SLC24A3: variants seen among roughly 807,000 people sequenced by gnomAD.
SLC24A3 encodes the protein sodium/potassium/calcium exchanger 3.
Under a neutral mutation model 75.8 loss-of-function variants are expected in SLC24A3, and 28 were observed. The ratio of observed to expected loss-of-function variants is 0.37; its 90% confidence interval spans 0.27 to 0.51. The LOEUF (loss-of-function observed/expected upper bound fraction) is 0.51, where lower values mean the gene tolerates loss of function less well. Among genes scored for constraint, SLC24A3 ranks in the 20% least tolerant of loss-of-function variants. The pLI is 0.94. For missense variants in SLC24A3, 663 were observed against 847.8 expected (o/e 0.78, Z 2.71); for synonymous variants, 372 against 334.1 (o/e 1.11, Z -1.24).
At chr20:19,572,286 C>G (rs2031064784) in intron 3 of SLC24A3, among the ~76,000 whole-genome samples, 1 of 152,086 alleles carries the variant, frequency 6.6e-6, no homozygotes, top group African/African-American at 2.4e-5. Context: ...TTTGAGGCTA[C>G]AGTGAGTTAT....
chr20:19,283,156 C>T (rs865857599), intron 2 of SLC24A3: 4 of 152,584 alleles, frequency 2.6e-5, no homozygotes, highest in Non-Finnish European at 2.9e-5. Context: ...CCAAAAGAAC[C>T]GGGCTTGGTT....
At chr20:19,577,121 C>A (rs1431461984) in intron 3 of SLC24A3, among the ~76,000 whole-genome samples, 1 of 151,564 alleles carries the variant, frequency 6.6e-6, no homozygotes, top group Non-Finnish European at 1.5e-5. Context: ...GTGGCGCGAT[C>A]TCGGCTCATG....
chr20:19,307,729 C>G (rs1312891655), intron 2 of SLC24A3, among the ~76,000 whole-genome samples: 2 of 152,078 alleles, frequency 1.3e-5, no homozygotes, highest in East Asian at 3.9e-4. Context: ...GGTAACAAAC[C>G]TGCATGTTCA....
intron 1 of SLC24A3, among the ~76,000 whole-genome samples, chr20:19,230,226 A>T (rs1346947243): frequency 6.6e-6 from 1 of 152,120 alleles, no homozygotes. Context: ...ACCTGGTCAC[A>T]ATTGTCAGGT....
At chr20:19,330,591 G>A (rs1984976169) in intron 2 of SLC24A3, among the ~76,000 whole-genome samples, 1 of 152,194 alleles carries the variant, frequency 6.6e-6, no homozygotes, top group Admixed American at 6.5e-5. Context: ...AGAAGCAAAT[G>A]TGGAAGGAGG....
chr20:19,418,696 A>G (rs1187846443), intron 2 of SLC24A3, among the ~76,000 whole-genome samples: 1 of 151,478 alleles, frequency 6.6e-6, no homozygotes, highest in Non-Finnish European at 1.5e-5. Flanking sequence ...ATAATATAAT[A>G]ATATAATAAA....
intron 1 of SLC24A3, among the ~76,000 whole-genome samples, chr20:19,218,166 C>T (rs956991814): frequency 6.6e-6 from 1 of 152,136 alleles, no homozygotes; most frequent in Admixed American, 6.5e-5. Flanking sequence ...ACTACAGTGC[C>T]TGTGATAAAA....
At chr20:19,417,790 G>A (rs536159258) in intron 2 of SLC24A3, among the ~76,000 whole-genome samples, 1 of 152,302 alleles carries the variant, frequency 6.6e-6, no homozygotes, top group South Asian at 2.1e-4. Context: ...GGCATCAGCC[G>A]AGGTGAGGAT....
intron 2 of SLC24A3, among the ~76,000 whole-genome samples, chr20:19,389,760 A>G (rs539584950): frequency 6.6e-6 from 1 of 152,274 alleles, no homozygotes; most frequent in East Asian, 1.9e-4. Flanking sequence ...TATATATCTG[A>G]ATATTAACTT....
intron 2 of SLC24A3, among the ~76,000 whole-genome samples, chr20:19,406,207 T>C (rs6046062): frequency 8.9e-4 from 133 of 148,994 alleles, no homozygotes; most frequent in African/African-American, 2.3e-3. Flanking sequence ...TGTGTGTGTG[T>C]GCGTGCGTGT....
At chr20:19,644,927 A>C (rs936405099) in intron 6 of SLC24A3, among the ~76,000 whole-genome samples, 1 of 152,218 alleles carries the variant, frequency 6.6e-6, no homozygotes, top group Admixed American at 6.5e-5. Context: ...AAGCACTTTT[A>C]TCTAGCATTT....
chr20:19,251,191 G>A (rs1982644329), intron 1 of SLC24A3, among the ~76,000 whole-genome samples: 1 of 152,158 alleles, frequency 6.6e-6, no homozygotes, highest in Non-Finnish European at 1.5e-5. Context: ...TAAGCAAAGA[G>A]ATTTTAGGGT....
At chr20:19,352,640 T>C (rs920824646) in intron 2 of SLC24A3, among the ~76,000 whole-genome samples, 2 of 152,206 alleles carry the variant, frequency 1.3e-5, no homozygotes, top group Non-Finnish European at 2.9e-5. Flanking sequence ...TCCCTCTTTC[T>C]TGGTTTCTCA....
intron 2 of SLC24A3, among the ~76,000 whole-genome samples, chr20:19,352,328 C>G (rs927353262): frequency 6.6e-6 from 1 of 152,076 alleles, no homozygotes; most frequent in Non-Finnish European, 1.5e-5. Context: ...CAGCTTTAGC[C>G]CTGCACTCAC....
At chr20:19,481,780 G>A (rs1366680352) in intron 2 of SLC24A3, among the ~76,000 whole-genome samples, 1 of 152,112 alleles carries the variant, frequency 6.6e-6, no homozygotes, top group Non-Finnish European at 1.5e-5. Flanking sequence ...TCTTCCTACA[G>A]AGGGCCCTTT....
At chr20:19,272,084 C>T (rs1308519304) in intron 1 of SLC24A3, among the ~76,000 whole-genome samples, 1 of 152,270 alleles carries the variant, frequency 6.6e-6, no homozygotes, top group Non-Finnish European at 1.5e-5. Context: ...TTAGGCCCCT[C>T]TCCCTTTCTC....
chr20:19,628,691 T>C (rs1228521423), intron 6 of SLC24A3, among the ~76,000 whole-genome samples: 1 of 152,042 alleles, frequency 6.6e-6, no homozygotes, highest in African/African-American at 2.4e-5. Flanking sequence ...GCAACAGTTC[T>C]GCTTGCTACA....
At chr20:19,605,035 T>G (rs758521287) in intron 6 of SLC24A3, among the ~76,000 whole-genome samples, 2 of 152,304 alleles carry the variant, frequency 1.3e-5, no homozygotes, top group Non-Finnish European at 2.9e-5. Context: ...CCATCCCATT[T>G]TGATATTAGA....
chr20:19,581,596 G>A (rs977320395), intron 4 of SLC24A3, among the ~76,000 whole-genome samples: 9 of 152,142 alleles, frequency 5.9e-5, no homozygotes, highest in Admixed American at 2.6e-4. Flanking sequence ...ATTTTACTAG[G>A]TCCCTGATAT....
Sources: gnomAD v4.1 joint callset for allele counts (sites outside exome capture counted in the v4.1 genomes callset) on GRCh38, gnomAD v4.1.1 for gene constraint, MANE v1.5 for transcripts, NCBI Gene and HGNC (gene_info 2026-07-23, HGNC 2026-07-21) for gene names.